The following CIMAP2 variants were observed in gnomAD, a reference collection of about 807,000 sequenced individuals.
CIMAP2 encodes ciliary microtubule associated protein 2.
the CIMAP2 span, among the ~76,000 whole-genome samples, chr1:54,830,937 C>T: frequency 6.6e-6 from 1 of 152,168 alleles, no homozygotes; most frequent in Non-Finnish European, 1.5e-5. The surrounding 1 kb of genome is among the most constrained non-coding windows in gnomAD (Gnocchi z 4.1). Context: ...CTTGTGGGTA[C>T]ATGCCTTAAC....
the CIMAP2 span, chr1:54,811,768 T>TGGGCCCCCCCCCCCCCC: frequency 3.7e-6 from 2 of 533,352 alleles, no homozygotes; most frequent in Non-Finnish European, 7.4e-6. Flanking sequence ...TCTGACAGCC[T>TGGGCCCCCCCCCCCCCC]CCATGCCCCC....
chr1:54,814,120 ATTGGGACACTTTAGGTGAGACT>A, the CIMAP2 span: 5 of 1,058,530 alleles, frequency 4.7e-6, no homozygotes, highest in African/African-American at 1.6e-5. Context: ...GGTCTGGAAC[ATTGGGACACTTTAGGTGAGACT>A]TTGGGCGTCG....
At chr1:54,838,966 G>A in the CIMAP2 span, among the ~76,000 whole-genome samples, 2 of 152,156 alleles carry the variant, frequency 1.3e-5, no homozygotes, top group African/African-American at 4.8e-5. Flanking sequence ...CTTGATGGGA[G>A]AGGCTGCAAA....
chr1:54,820,027 T>A, the CIMAP2 span, among the ~76,000 whole-genome samples: 1 of 142,938 alleles, frequency 7.0e-6, no homozygotes, highest in African/African-American at 2.6e-5. Flanking sequence ...TTTCCTTCCT[T>A]CCTTCCTTCA....
the CIMAP2 span, chr1:54,807,906 C>T: frequency 1.1e-5 from 18 of 1,594,570 alleles, no homozygotes; most frequent in South Asian, 3.4e-5. Flanking sequence ...AGCTGGGCCC[C>T]GGCTCCTACA....
the CIMAP2 span, among the ~76,000 whole-genome samples, chr1:54,840,433 C>G: frequency 6.6e-6 from 1 of 152,166 alleles, no homozygotes; most frequent in African/African-American, 2.4e-5. Context: ...TTTAATAAAG[C>G]TGCTATAAAC....
the CIMAP2 span, chr1:54,807,098 C>G: frequency 6.2e-7 from 1 of 1,601,596 alleles, no homozygotes. Flanking sequence ...GTTTGCACAG[C>G]TTCCCTGACT....
the CIMAP2 span, chr1:54,807,567 C>A: frequency 6.2e-7 from 1 of 1,600,144 alleles, no homozygotes; most frequent in Non-Finnish European, 8.5e-7. Context: ...AAGAGACCTG[C>A]TTCAGCAAGA....
the CIMAP2 span, among the ~76,000 whole-genome samples, chr1:54,824,757 G>C: frequency 7.4e-3 from 1,125 of 151,780 alleles, 39 homozygotes; most frequent in East Asian, 0.081. Context: ...TCTTTTTGTT[G>C]AATCTCATTC....
At chr1:54,812,704 C>T in the CIMAP2 span, among the ~76,000 whole-genome samples, 86 of 152,158 alleles carry the variant, frequency 5.7e-4, 1 homozygote, top group Non-Finnish European at 1.3e-4. Context: ...GCTTTGTGCT[C>T]ATAGCCACTG....
the CIMAP2 span, chr1:54,811,765 G>GCCGGGGGGGCGGCCCCCCCC: frequency 7.7e-7 from 1 of 1,301,332 alleles, no homozygotes; most frequent in Non-Finnish European, 1.1e-6. Context: ...GGTTCTGACA[G>GCCGGGGGGGCGGCCCCCCCC]CCTCCATGCC....
chr1:54,829,415 A>G, the CIMAP2 span, among the ~76,000 whole-genome samples: 1 of 152,190 alleles, frequency 6.6e-6, no homozygotes, highest in Non-Finnish European at 1.5e-5. Flanking sequence ...CTGGGGCATG[A>G]TTCTCTCAGA....
chr1:54,841,501 G>C, the CIMAP2 span: 1 of 1,525,434 alleles, frequency 6.6e-7, no homozygotes, highest in African/African-American at 1.4e-5. Flanking sequence ...TTCCTCTCAG[G>C]GTTGGGTTAG....
At chr1:54,814,893 G>GCCTT in the CIMAP2 span, 1 of 1,613,828 alleles carries the variant, frequency 6.2e-7, no homozygotes. Flanking sequence ...CCAGATTTCA[G>GCCTT]CCTTCCTTCC....
chr1:54,811,765 G>GCCGGGGGGGGGGGCCCCCCCCCCCCCCCC, the CIMAP2 span: 6 of 1,301,324 alleles, frequency 4.6e-6, no homozygotes, highest in Non-Finnish European at 6.5e-6. Context: ...GGTTCTGACA[G>GCCGGGGGGGGGGGCCCCCCCCCCCCCCCC]CCTCCATGCC....
chr1:54,810,201 C>T, the CIMAP2 span, among the ~76,000 whole-genome samples: 8 of 152,148 alleles, frequency 5.3e-5, no homozygotes, highest in African/African-American at 1.2e-4. Context: ...CAACCCACCC[C>T]GGTGCCTTCC....
chr1:54,811,765 G>GCGGGGGGGGGGGCGCCCCCCCCCCCCCCC, the CIMAP2 span: 1 of 1,301,332 alleles, frequency 7.7e-7, no homozygotes, highest in Non-Finnish European at 1.1e-6. Context: ...GGTTCTGACA[G>GCGGGGGGGGGGGCGCCCCCCCCCCCCCCC]CCTCCATGCC....
chr1:54,830,215 C>T, the CIMAP2 span, among the ~76,000 whole-genome samples: 3 of 151,906 alleles, frequency 2.0e-5, no homozygotes, highest in East Asian at 1.9e-4. The surrounding 1 kb of genome is among the most constrained non-coding windows in gnomAD (Gnocchi z 4.1). Context: ...TTCTTTCTTT[C>T]TATTTATTTA....
the CIMAP2 span, among the ~76,000 whole-genome samples, chr1:54,806,709 G>T: frequency 6.6e-6 from 1 of 151,464 alleles, no homozygotes; most frequent in African/African-American, 2.4e-5. Context: ...CTCTTCTGTG[G>T]GGGGTGGGGG....
Sources: gnomAD v4.1 joint callset for allele counts (sites outside exome capture counted in the v4.1 genomes callset) on GRCh38, gnomAD v4.1.1 for gene constraint, Gnocchi (gnomAD v3.1) non-coding constraint, MANE v1.5 for transcripts, NCBI Gene and HGNC (gene_info 2026-07-23, HGNC 2026-07-21) for gene names.